RARB: variants seen among roughly 807,000 people sequenced by gnomAD.
RARB encodes retinoic acid receptor beta, also known as HBV-activated protein.
RARB carries 17 observed loss-of-function variants against 51.9 expected under a neutral mutation model. The ratio of observed to expected loss-of-function variants is 0.33; its 90% CI spans 0.22 to 0.49. The LOEUF (loss-of-function observed/expected upper bound fraction) is 0.49, where lower values mean the gene tolerates loss of function less well. Ranked by LOEUF, RARB falls within the 20% of genes least tolerant of loss-of-function variation. The pLI is 0.99. For synonymous variants in RARB, 215 were observed against 195.4 expected (o/e 1.10, Z -0.84); for missense variants, 369 against 550.8 (o/e 0.67, Z 3.30).
At chr3:25,240,175 A>G (rs1413228088) in intron 5 of RARB, among the ~76,000 whole-genome samples, 1 of 151,670 alleles carries the variant, frequency 6.6e-6, no homozygotes, top group African/African-American at 2.4e-5. Flanking sequence ...TGCTTTTTGT[A>G]TGTTTTATGT....
At chr3:25,328,952 G>T (rs575491781) in intron 5 of RARB, among the ~76,000 whole-genome samples, 1 of 152,314 alleles carries the variant, frequency 6.6e-6, no homozygotes, top group Non-Finnish European at 1.5e-5. Flanking sequence ...AGATCGAACT[G>T]CAAGGTGGCA....
chr3:25,254,586 A>G (rs1702814154), intron 5 of RARB, among the ~76,000 whole-genome samples: 1 of 150,760 alleles, frequency 6.6e-6, no homozygotes, highest in Admixed American at 6.6e-5. Context: ...TAACGGTATC[A>G]CTTACAGCTG....
chr3:25,343,665 A>C (rs1011832702), intron 5 of RARB, among the ~76,000 whole-genome samples: 10 of 152,186 alleles, frequency 6.6e-5, no homozygotes, highest in African/African-American at 1.4e-4. Context: ...TGTTTGATAC[A>C]CTAATGTATG....
intron 2 of RARB, among the ~76,000 whole-genome samples, chr3:24,988,732 C>T (rs1696847699): frequency 6.6e-6 from 1 of 152,212 alleles, no homozygotes; most frequent in Non-Finnish European, 1.5e-5. Context: ...AGGTCTAATT[C>T]ATCAGATTAC....
At chr3:24,983,588 G>A (rs775100759) in intron 2 of RARB, among the ~76,000 whole-genome samples, 1 of 151,838 alleles carries the variant, frequency 6.6e-6, no homozygotes, top group Non-Finnish European at 1.5e-5. Context: ...CTGTGTCCAT[G>A]GGTTCTCGTT....
intron 2 of RARB, among the ~76,000 whole-genome samples, chr3:24,876,556 C>T (rs1176017092): frequency 6.6e-6 from 1 of 152,112 alleles, no homozygotes; most frequent in Non-Finnish European, 1.5e-5. Context: ...AACATATTAG[C>T]ATTTAATATT....
intron 2 of RARB, among the ~76,000 whole-genome samples, chr3:24,900,478 A>C (rs1052413458): frequency 6.6e-6 from 1 of 152,222 alleles, no homozygotes; most frequent in African/African-American, 2.4e-5. Context: ...ATGCACATGA[A>C]GTATTGCTGG....
intron 5 of RARB, among the ~76,000 whole-genome samples, chr3:25,422,880 T>C (rs1335549394): frequency 1.3e-5 from 2 of 152,146 alleles, no homozygotes; most frequent in East Asian, 1.9e-4. Flanking sequence ...AATTGTTAAA[T>C]GTTGGTTTAG....
intron 5 of RARB, among the ~76,000 whole-genome samples, chr3:25,268,761 G>A (rs973975153): frequency 6.6e-6 from 1 of 152,118 alleles, no homozygotes; most frequent in Non-Finnish European, 1.5e-5. Context: ...AACCTTGCCT[G>A]ACAACTCTAA....
chr3:24,948,361 G>A (rs1695818873), intron 2 of RARB, among the ~76,000 whole-genome samples: 1 of 152,156 alleles, frequency 6.6e-6, no homozygotes, highest in Non-Finnish European at 1.5e-5. Flanking sequence ...TCCTAGCTAG[G>A]TAACATTGTT....
chr3:25,408,381 A>G (rs1015868231), intron 5 of RARB, among the ~76,000 whole-genome samples: 1 of 152,090 alleles, frequency 6.6e-6, no homozygotes, highest in Non-Finnish European at 1.5e-5. Context: ...TCCTATGGCC[A>G]AGCAGGAGAG....
At chr3:25,310,983 C>T (rs1559353017) in intron 5 of RARB, among the ~76,000 whole-genome samples, 1 of 152,262 alleles carries the variant, frequency 6.6e-6, no homozygotes, top group East Asian at 1.9e-4. Flanking sequence ...ACATAATGGC[C>T]CTGAACCTTC....
chr3:25,181,094 T>C (rs1700851505), intron 5 of RARB, among the ~76,000 whole-genome samples: 1 of 152,178 alleles, frequency 6.6e-6, no homozygotes, highest in Admixed American at 6.5e-5. Flanking sequence ...TTCATAACTC[T>C]ATGTTTGCTG....
chr3:25,552,140 G>A (rs1298920734), intron 3 of RARB, among the ~76,000 whole-genome samples: 1 of 151,938 alleles, frequency 6.6e-6, no homozygotes, highest in Non-Finnish European at 1.5e-5. Context: ...TGTAGTCAAG[G>A]TACATGGTAG....
intron 4 of RARB, among the ~76,000 whole-genome samples, chr3:25,148,900 T>G (rs1700237514): frequency 6.6e-6 from 1 of 151,320 alleles, no homozygotes; most frequent in South Asian, 2.1e-4. Context: ...CCCTATCTTT[T>G]TTCATTTTAT....
chr3:24,852,835 G>T (rs1197953257), intron 1 of RARB, among the ~76,000 whole-genome samples: 3 of 152,286 alleles, frequency 2.0e-5, no homozygotes, highest in Admixed American at 6.5e-5. Context: ...AGTGTTTGAG[G>T]CTGGTGGTGG....
rs115910530 is a variant in RARB at position 24,968,819 on chromosome 3, G to T, written c.-379-91306G>T. Among the ~76,000 whole-genome samples the T allele has an allele frequency of 8.1e-3, 1,236 of 152,166 alleles. 20 individuals are homozygous for T. Among genetic ancestry groups the T allele is most frequent in the African/African-American group, 0.028 (1,175 of 41,520 alleles). On this transcript the variant is annotated intron_variant, in intron 2 of 11. Transcript: ENST00000383772. Reference sequence around the variant, plus strand: ...ACTAAGCCCAGAGTCAGTGTGAGTGGGTAGACTACCCAAAGACTTGGATGC... The same window carrying T: ...ACTAAGCCCAGAGTCAGTGTGAGTGTGTAGACTACCCAAAGACTTGGATGC...
chr3:25,409,058 A>G (rs958186591), intron 5 of RARB, among the ~76,000 whole-genome samples: 1 of 152,156 alleles, frequency 6.6e-6, no homozygotes, highest in African/African-American at 2.4e-5. Context: ...AACAGCAACA[A>G]CAAAAGCTGT....
At chr3:25,178,394 A>T (rs1415194179) in intron 5 of RARB, among the ~76,000 whole-genome samples, 1 of 152,144 alleles carries the variant, frequency 6.6e-6, no homozygotes, top group Non-Finnish European at 1.5e-5. Flanking sequence ...TGCCATTCTT[A>T]GTCTTTTTAA....
Sources: gnomAD v4.1 joint callset for allele counts (sites outside exome capture counted in the v4.1 genomes callset) on GRCh38, gnomAD v4.1.1 for gene constraint, MANE v1.5 for transcripts, NCBI Gene and HGNC (gene_info 2026-07-23, HGNC 2026-07-21) for gene names.